The following BPIFC variants were observed in gnomAD, a reference collection of about 807,000 sequenced individuals.
BPIFC encodes the protein BPI fold-containing family C protein.
In BPIFC, 60 loss-of-function variants were observed where a neutral mutation model predicts 57.6. That is an observed-to-expected ratio of 1.04 (90% confidence interval 0.85 to 1.29). The LOEUF is 1.29. Among genes scored for constraint, BPIFC ranks in the 50% most tolerant of loss-of-function variants. The pLI is 0.00. For missense variants in BPIFC, 581 were observed against 600.5 expected (o/e 0.97, Z 0.34); for synonymous variants, 243 against 224.5 (o/e 1.08, Z -0.74).
At position 32,432,429 on chromosome 22, in the gene BPIFC, T is replaced by C; in HGVS notation, c.1093A>G (p.Met365Val). 6.2e-7 allele frequency: 1 copy of C among 1,614,080 alleles called. No individual in the cohort carries two copies. Among genetic ancestry groups the C allele is most frequent in the Non-Finnish European group, 8.5e-7 (1 of 1,180,034 alleles). The stretch of plus-strand genomic sequence containing the variant: ...GAGTTCTTGGGTTGGGTGAGCATCA[T>C]GATGGAGGCAGGGATGTCCAGGGTG... ...NFTLDIPASI[M>V]MLTQPKNSTV... The change falls in exon 12 of 17, where the codon ATG becomes GTG. Residue 365 changes from methionine (M) to valine (V), a missense_variant. Transcript: ENST00000300399.
At chr22:32,428,626 T>C (rs1601452687) in intron 13 of BPIFC, among the ~76,000 whole-genome samples, 1 of 150,980 alleles carries the variant, frequency 6.6e-6, no homozygotes, top group African/African-American at 2.4e-5. Flanking sequence ...TTTCTGGGCA[T>C]GGTGGCTCAC....
intron 15 of BPIFC, 133 bp from the exon 16 acceptor site, chr22:32,416,124 G>A: frequency 1.8e-6 from 1 of 548,804 alleles, no homozygotes; most frequent in South Asian, 2.2e-5. Context: ...TTGTTGCCCA[G>A]GCTGGAATGT....
rs556420886 is a variant in BPIFC at position 32,435,592 on chromosome 22, T to C, written c.924+112A>G. 1.3e-5 allele frequency: 14 copies of C among 1,086,416 alleles called. No homozygotes were observed. In the East Asian group the frequency reaches 3.2e-4, roughly 25 times the overall value. The allele number at this position is 1,086,416 out of a possible 1,614,324, so 67.3% of individuals were successfully genotyped here. A position where few individuals can be genotyped will look rare whatever the true frequency, so the allele number is the denominator to read the frequency against. On this transcript the variant is annotated intron_variant, in intron 10 of 16. Coordinates refer to ENST00000300399, the MANE Select transcript of BPIFC (RefSeq NM_174932.3). ...TCCTTCACTGTCTTGCTGGGAGTGATAGCCTAAAAAGGTCCCAGAATCGAA... is the reference window on the plus strand; with the variant it reads ...TCCTTCACTGTCTTGCTGGGAGTGACAGCCTAAAAAGGTCCCAGAATCGAA...
intron 4 of BPIFC, among the ~76,000 whole-genome samples, chr22:32,449,671 A>G (rs967304459): frequency 3.3e-5 from 5 of 152,056 alleles, no homozygotes; most frequent in Non-Finnish European, 7.3e-5. Flanking sequence ...TCTTTCTAGC[A>G]CTTCTGTATT....
chr22:32,419,034 G>A (rs541453281), intron 14 of BPIFC, among the ~76,000 whole-genome samples: 26 of 152,188 alleles, frequency 1.7e-4, no homozygotes, highest in East Asian at 9.6e-4. Context: ...TATATGTCTC[G>A]TCTATAACTC....
chr22:32,454,775 C>A (rs1934992311), intron 3 of BPIFC, among the ~76,000 whole-genome samples: 2 of 152,118 alleles, frequency 1.3e-5, no homozygotes, highest in Non-Finnish European at 2.9e-5. Context: ...GAGCCAGAGG[C>A]ACTACCAGAG....
In BPIFC at chr22:32,424,653, CTTCTTCT is replaced by C. The variant is rs1569447971; in HGVS notation, c.1218-5256_1218-5250del. ...CTCTTCTTCTTCTTCTCTTCTTCTT[CTTCTTCT>C]TCTTCTTCTTCTTCTTCTTCTTCTT... On this transcript the variant is annotated intron_variant, in intron 13 of 16. Coordinates refer to ENST00000300399, the MANE Select transcript of BPIFC (RefSeq NM_174932.3). Among the ~76,000 whole-genome samples the C allele has an allele frequency of 5.3e-3, 323 of 61,080 alleles. 4 individuals carry two copies. The highest frequency in any genetic ancestry group is 5.5e-3 in the Non-Finnish European group (197 of 35,564). The allele number at this position is 61,080 out of a possible 152,430, so 40.1% of individuals were successfully genotyped here. A position where few individuals can be genotyped will look rare whatever the true frequency, so the allele number is the denominator to read the frequency against.
At chr22:32,415,480 C>T (rs1172514992) in intron 16 of BPIFC, among the ~76,000 whole-genome samples, 1 of 152,144 alleles carries the variant, frequency 6.6e-6, no homozygotes, top group African/African-American at 2.4e-5. Flanking sequence ...AGGTGTGTGC[C>T]TTTGGTTCAG....
At chr22:32,420,334 AAT>A (rs57601658) in intron 13 of BPIFC, among the ~76,000 whole-genome samples, 46,730 of 141,202 alleles carry the variant, frequency 0.33, 7,466 homozygotes, top group African/African-American at 0.39. Context: ...AAAAAAAAAA[AAT>A]AGTTTTCAGG....
chr22:32,446,053 G>C, intron 5 of BPIFC, 57 bp from the exon 6 acceptor site: 1 of 1,582,858 alleles, frequency 6.3e-7, no homozygotes. Context: ...GATGGATCTT[G>C]TTTCTCTGAT....
chr22:32,414,513 TTTA>T, intron 16 of BPIFC, 88 bp from the exon 17 acceptor site: 1 of 1,468,464 alleles, frequency 6.8e-7, no homozygotes, highest in East Asian at 2.4e-5. Context: ...GCTTCTTTTT[TTTA>T]TTATTTTAAT....
At chr22:32,457,178 C>G (rs1935055478) in intron 3 of BPIFC, 85 bp downstream of exon 3, 5 of 1,458,620 alleles carry the variant, frequency 3.4e-6, no homozygotes, top group Non-Finnish European at 4.6e-6. Context: ...AGTCAGGAGA[C>G]AGCCCATGTT....
At chr22:32,427,736 C>G (rs1391878093) in intron 13 of BPIFC, among the ~76,000 whole-genome samples, 1 of 152,206 alleles carries the variant, frequency 6.6e-6, no homozygotes, top group Non-Finnish European at 1.5e-5. Context: ...CACCTGTAAT[C>G]CCAGCACTTT....
intron 3 of BPIFC, among the ~76,000 whole-genome samples, chr22:32,454,548 T>A (rs1934986822): frequency 6.6e-6 from 1 of 152,204 alleles, no homozygotes; most frequent in African/African-American, 2.4e-5. Flanking sequence ...ATTAAAGAGC[T>A]TGAGAAAAGT....
chr22:32,430,991 T>A (rs555287279), intron 13 of BPIFC, among the ~76,000 whole-genome samples: 117 of 152,284 alleles, frequency 7.7e-4, no homozygotes, highest in African/African-American at 2.7e-3. Flanking sequence ...TTTATTTTTA[T>A]GTTACTATAA....
rs150796401 is a variant in BPIFC at position 32,435,643 on chromosome 22, G to A, written c.924+61C>T. 56 of 1,528,450 alleles carry A rather than the reference G, an allele frequency of 3.7e-5. No individual in the cohort carries two copies. In the East Asian group the frequency reaches 1.2e-3, roughly 32 times the overall value. The allele number at this position is 1,528,450 out of a possible 1,614,324, so 94.7% of individuals were successfully genotyped here. On this transcript the variant is annotated intron_variant, in intron 10 of 16. Coordinates refer to ENST00000300399, the MANE Select transcript of BPIFC (RefSeq NM_174932.3). The stretch of plus-strand genomic sequence containing the variant: ...ATTGTGGCATAAAAGTTCTACAATA[G>A]GATACTTATAAAAAGGCTGAATGAT...
At chr22:32,417,695 A>G (rs1933722442) in intron 14 of BPIFC, among the ~76,000 whole-genome samples, 1 of 152,214 alleles carries the variant, frequency 6.6e-6, no homozygotes, top group Non-Finnish European at 1.5e-5. Flanking sequence ...ACATGGTGCC[A>G]GCAAATGTGG....
intron 13 of BPIFC, among the ~76,000 whole-genome samples, chr22:32,421,820 T>C (rs1933854449): frequency 6.6e-6 from 1 of 152,194 alleles, no homozygotes; most frequent in Non-Finnish European, 1.5e-5. Context: ...TAATTACAAT[T>C]GAGATAAATG....
intron 2 of BPIFC, among the ~76,000 whole-genome samples, chr22:32,458,404 A>G (rs62241183): frequency 2.6e-5 from 4 of 152,202 alleles, no homozygotes; most frequent in South Asian, 4.1e-4. Flanking sequence ...TAGCCACTCA[A>G]TGCAGAACAT....
Sources: gnomAD v4.1 joint callset for allele counts (sites outside exome capture counted in the v4.1 genomes callset) on GRCh38, gnomAD v4.1.1 for gene constraint, MANE v1.5 for transcripts, NCBI Gene and HGNC (gene_info 2026-07-23, HGNC 2026-07-21) for gene names.